Variants in STX8 observed in about 807,000 individuals in gnomAD.
STX8 encodes syntaxin-8.
A neutral mutation model predicts 37.5 loss-of-function variants in STX8; 23 were observed. The observed-to-expected ratio is 0.61, with a 90% CI of 0.44 to 0.87. The LOEUF is 0.87. Ranked by LOEUF, STX8 falls within the 40% of genes least tolerant of loss-of-function variation. The pLI, the probability that STX8 is intolerant of heterozygous loss-of-function variation, is 0.00. For synonymous variants in STX8, 115 were observed against 99.1 expected, an observed-to-expected ratio of 1.16 and a Z score of -0.95; for missense variants, 313 against 284.7, an observed-to-expected ratio of 1.10 and a Z score of -0.71.
At chr17:9,512,212 A>C (rs1905037275) in intron 4 of STX8, among the ~76,000 whole-genome samples, 4 of 152,208 alleles carry the variant, frequency 2.6e-5, no homozygotes, top group Admixed American at 2.6e-4. Flanking sequence ...AAATACCAAT[A>C]ACATTCTTCA....
In STX8 at chr17:9,476,738, C is replaced by T. The variant is rs1906123121; in HGVS notation, c.541+15091G>A. ...AAAGTGCTGGGATTACAGGTGTGAG[C>T]CACCGCACCCAGCCAGAGGTCATTT... On this transcript the variant is annotated intron_variant, in intron 6 of 7. Transcript: ENST00000306357. 4.6e-5 allele frequency among the ~76,000 whole-genome samples: 7 copies of T among 152,270 alleles called. No individual in the cohort carries two copies. The South Asian group carries it at 1.4e-3, about 32-fold the overall frequency.
At chr17:9,486,643 G>A (rs749640738) in intron 6 of STX8, among the ~76,000 whole-genome samples, 16 of 152,108 alleles carry the variant, frequency 1.1e-4, no homozygotes, top group Admixed American at 2.0e-4. Flanking sequence ...TTGAGCTCAG[G>A]AATTCAAGAC....
intron 7 of STX8, among the ~76,000 whole-genome samples, chr17:9,319,823 C>A (rs1245460465): frequency 6.6e-6 from 1 of 151,232 alleles, no homozygotes; most frequent in Non-Finnish European, 1.5e-5. Flanking sequence ...TGGTGTCACA[C>A]ACTTGTAATC....
chr17:9,301,775 C>A (rs1451813513), intron 7 of STX8, among the ~76,000 whole-genome samples: 4 of 152,080 alleles, frequency 2.6e-5, no homozygotes, highest in African/African-American at 4.8e-5. Context: ...AGGCATGAGC[C>A]ACGGCGCCCG....
chr17:9,357,247 C>T (rs867273408), intron 7 of STX8, among the ~76,000 whole-genome samples: 26 of 151,990 alleles, frequency 1.7e-4, no homozygotes, highest in Admixed American at 5.2e-4. Flanking sequence ...GGATTATAGG[C>T]GTGAGCCACT....
chr17:9,415,258 G>C (rs1182398328), intron 6 of STX8, among the ~76,000 whole-genome samples: 1 of 151,968 alleles, frequency 6.6e-6, no homozygotes, highest in African/African-American at 2.4e-5. Flanking sequence ...CATCAGCCTG[G>C]GGTCCTCTCC....
At chr17:9,275,730 T>C (rs1226020518) in intron 7 of STX8, among the ~76,000 whole-genome samples, 1 of 151,786 alleles carries the variant, frequency 6.6e-6, no homozygotes, top group Non-Finnish European at 1.5e-5. Flanking sequence ...TAGCCGGGCA[T>C]GGTGGCTCAT....
intron 7 of STX8, among the ~76,000 whole-genome samples, chr17:9,337,823 A>G (rs1212579875): frequency 1.3e-5 from 2 of 152,186 alleles, no homozygotes; most frequent in Non-Finnish European, 2.9e-5. Context: ...GAATGTGTAC[A>G]AGGCCACCAA....
In STX8 at chr17:9,563,138, T is replaced by C. The variant is rs1283160157; in HGVS notation, c.117+5233A>G. Among the ~76,000 whole-genome samples the C allele has an allele frequency of 2.7e-5, 4 of 150,480 alleles. No individual in the cohort carries two copies. In the East Asian group the frequency reaches 7.7e-4, roughly 29 times the overall value. On this transcript the variant is annotated intron_variant, in intron 2 of 7. Coordinates refer to ENST00000306357, the MANE Select transcript of STX8 (RefSeq NM_004853.3). Reference sequence around the variant, plus strand: ...CCAAGATACAAAAGAGTATCTGTCATTCATTCATTCATCCATTTATTTATT... The same window carrying C: ...CCAAGATACAAAAGAGTATCTGTCACTCATTCATTCATCCATTTATTTATT...
chr17:9,378,969 G>C lies in STX8; in HGVS notation c.542-316C>G, dbSNP rs373384388. 2.6e-5 allele frequency among the ~76,000 whole-genome samples: 4 copies of C among 152,286 alleles called. No individual in the cohort carries two copies. The East Asian group carries it at 7.7e-4, about 29-fold the overall frequency. ...AAGTATAAAGGAACAGACAGGCCAG[G>C]CACGGTGGCTCACGCCTATAATCCC... On this transcript the variant is annotated intron_variant, in intron 6 of 7. Coordinates refer to ENST00000306357, the MANE Select transcript of STX8 (RefSeq NM_004853.3).
intron 6 of STX8, among the ~76,000 whole-genome samples, chr17:9,486,892 G>T (rs1426335869): frequency 6.6e-6 from 1 of 152,110 alleles, no homozygotes; most frequent in Admixed American, 6.5e-5. Flanking sequence ...CTGGTGGTCT[G>T]TCATGAGCCC....
At chr17:9,312,597 C>T (rs1421863429) in intron 7 of STX8, among the ~76,000 whole-genome samples, 3 of 152,170 alleles carry the variant, frequency 2.0e-5, no homozygotes, top group Admixed American at 2.0e-4. Flanking sequence ...GTTGAATACT[C>T]ACTGAGTTGA....
intron 6 of STX8, among the ~76,000 whole-genome samples, chr17:9,478,760 C>T (rs1906199650): frequency 6.6e-6 from 1 of 152,092 alleles, no homozygotes; most frequent in Admixed American, 6.6e-5. Context: ...AAATATAAAG[C>T]CTTTTGATTT....
intron 7 of STX8, among the ~76,000 whole-genome samples, chr17:9,328,256 G>C (rs1909842768): frequency 6.6e-6 from 1 of 151,232 alleles, no homozygotes; most frequent in Admixed American, 6.6e-5. Flanking sequence ...TGGAGAAGTT[G>C]GGTTCTAGTT....
chr17:9,473,393 T>C (rs12449607), intron 6 of STX8, among the ~76,000 whole-genome samples: 43,672 of 152,036 alleles, frequency 0.29, 6,476 homozygotes, highest in South Asian at 0.41. Context: ...AATAAAAATA[T>C]AGTCATCCCT....
chr17:9,365,966 C>G (rs1170857353), intron 7 of STX8, among the ~76,000 whole-genome samples: 2 of 152,032 alleles, frequency 1.3e-5, no homozygotes, highest in African/African-American at 2.4e-5. Context: ...GAGCGAGACT[C>G]TGTCTTGGAA....
chr17:9,427,401 G>A (rs1913675631), intron 6 of STX8, among the ~76,000 whole-genome samples: 2 of 152,092 alleles, frequency 1.3e-5, no homozygotes, highest in South Asian at 2.1e-4. Context: ...TGTGTTGAAG[G>A]AGCAGGACAA....
intron 6 of STX8, among the ~76,000 whole-genome samples, chr17:9,405,590 A>G (rs930597167): frequency 3.9e-5 from 6 of 152,202 alleles, no homozygotes; most frequent in African/African-American, 1.4e-4. Flanking sequence ...CATTTGCACA[A>G]AACTGTAGAG....
chr17:9,404,428 G>A (rs1912736971), intron 6 of STX8, among the ~76,000 whole-genome samples: 1 of 151,948 alleles, frequency 6.6e-6, no homozygotes, highest in Admixed American at 6.6e-5. Flanking sequence ...CATTATCACA[G>A]AAGGGTCCAT....
Sources: allele counts gnomAD v4.1 joint callset (sites outside exome capture counted in the v4.1 genomes callset), GRCh38; gene constraint gnomAD v4.1.1; transcripts MANE v1.5; gene names NCBI Gene and HGNC (gene_info 2026-07-23, HGNC 2026-07-21).